Variants in BEND6 observed in about 807,000 individuals in gnomAD.
The protein encoded by BEND6 is BEN domain containing 6, also known as BEN domain-containing protein 6.
Under a neutral mutation model 31.8 loss-of-function variants are expected in BEND6, and 24 were observed. That is an observed-to-expected ratio of 0.75 (90% CI 0.55 to 1.06). BEND6 has a LOEUF of 1.06. Ranked by LOEUF, BEND6 falls within the 50% of genes least tolerant of loss-of-function variation. The pLI is 0.00. For synonymous variants in BEND6, 109 were observed against 114.6 expected, an observed-to-expected ratio of 0.95 and a Z score of 0.31; for missense variants, 294 against 327.4, an observed-to-expected ratio of 0.90 and a Z score of 0.79.
Position 57,018,462 on chromosome 6 carries a change from A to C in BEND6, c.754A>C (p.Ile252Leu). ...QLFPNTDDVS[I>L]RRMIGQKLNN... ...ATTTCCCAATACGGATGATGTTTCA[A>C]TTAGGAGAATGATAGGGCAAAAGCT... is the stretch of plus-strand genomic sequence containing the variant. The change falls in exon 6 of 7, where the codon ATT (isoleucine) becomes CTT (leucine). Residue 252 changes from isoleucine (I) to leucine (L), a missense_variant. Physicochemically the swap from Ile to Leu is conservative, Grantham distance 5. Transcript: ENST00000370746. 1 of 1,588,890 alleles carries C rather than the reference A, an allele frequency of 6.3e-7. No homozygotes were observed. The highest frequency in any genetic ancestry group is 8.5e-7 in the Non-Finnish European group (1 of 1,172,366).
At chr6:56,977,135 T>C (rs575434119) in intron 1 of BEND6, among the ~76,000 whole-genome samples, 71 of 152,360 alleles carry the variant, frequency 4.7e-4, no homozygotes, top group African/African-American at 1.7e-3. Context: ...AGTGAAATTA[T>C]AATAATTGAA....
chr6:56,985,108 G>A lies in BEND6; in HGVS notation c.120+3178G>A, dbSNP rs1165391850. 2.0e-5 allele frequency among the ~76,000 whole-genome samples: 3 copies of A among 152,132 alleles called. No homozygotes were observed. In the East Asian group the frequency reaches 5.8e-4, roughly 29 times the overall value. ...GTGGTCTGCCTTCAAAGGTATTCCA[G>A]GTGACTGTTGTACCAAATATGCCCC... On this transcript the variant is annotated intron_variant, in intron 2 of 6. Transcript: ENST00000370746.
intron 1 of BEND6, among the ~76,000 whole-genome samples, chr6:56,969,608 C>T (rs1375046687): frequency 6.6e-6 from 1 of 152,078 alleles, no homozygotes; most frequent in Non-Finnish European, 1.5e-5. Flanking sequence ...TGTTGTAGTG[C>T]TGTACTTGCC....
At chr6:56,963,355 A>G (rs150630118) in intron 1 of BEND6, among the ~76,000 whole-genome samples, 3 of 152,254 alleles carry the variant, frequency 2.0e-5, no homozygotes, top group East Asian at 3.9e-4. Flanking sequence ...CCTGTGAGGA[A>G]TTTACCTAGG....
chr6:56,982,071 C>T, intron 2 of BEND6, 141 bp downstream of exon 2: 1 of 1,075,790 alleles, frequency 9.3e-7, no homozygotes, highest in Non-Finnish European at 1.3e-6. Flanking sequence ...AAAATATAAT[C>T]TTATGTTCTT....
chr6:56,958,756 GT>G (rs1343815208), intron 1 of BEND6, among the ~76,000 whole-genome samples: 1 of 152,186 alleles, frequency 6.6e-6, no homozygotes, highest in Non-Finnish European at 1.5e-5. Context: ...AGTAGGGAGT[GT>G]TCCAATTTAG....
intron 1 of BEND6, chr6:56,975,800 A>G: frequency 1.9e-6 from 1 of 536,276 alleles, no homozygotes. Flanking sequence ...AAGTCCTTCC[A>G]TAATATATTG....
At chr6:56,992,796 T>C (rs1826557749) in intron 3 of BEND6, among the ~76,000 whole-genome samples, 1 of 152,188 alleles carries the variant, frequency 6.6e-6, no homozygotes, top group African/African-American at 2.4e-5. Context: ...ATTATATTCA[T>C]TTAATAGTTT....
intron 3 of BEND6, 52 bp from the exon 4 acceptor site, chr6:57,015,081 T>G: frequency 1.3e-6 from 2 of 1,481,822 alleles, no homozygotes; most frequent in South Asian, 2.4e-5. Flanking sequence ...TATGTACATA[T>G]GCACCTATTA....
At chr6:56,973,832 A>C (rs1208745475) in intron 1 of BEND6, among the ~76,000 whole-genome samples, 1 of 152,138 alleles carries the variant, frequency 6.6e-6, no homozygotes, top group Non-Finnish European at 1.5e-5. Context: ...AGGGCTCTCC[A>C]CAGCCTCAGC....
Position 56,955,220 on chromosome 6 carries a change from C to T in BEND6, c.-341C>T, listed in dbSNP as rs1824609422. On this transcript the variant is annotated 5_prime_UTR_variant, in exon 1 of 7. Transcript: ENST00000370746. ...AGCCCAGCGCCCTCCCGCGGGGCCGCCCGCCAGTCCGCGCCGTCCGCGGGT... is the reference window on the plus strand; with the variant it reads ...AGCCCAGCGCCCTCCCGCGGGGCCGTCCGCCAGTCCGCGCCGTCCGCGGGT... The T allele has an allele frequency of 1.3e-5, 2 of 151,902 alleles. No homozygotes were observed. The highest frequency in any genetic ancestry group is 4.1e-4 in the South Asian group (2 of 4,840). The allele number at this position is 151,902 out of a possible 1,614,324, so 9.4% of individuals were successfully genotyped here.
chr6:57,013,646 T>G (rs891807089), intron 3 of BEND6, among the ~76,000 whole-genome samples: 4 of 152,094 alleles, frequency 2.6e-5, no homozygotes, highest in Non-Finnish European at 5.9e-5. Flanking sequence ...TCCCAGGAGC[T>G]CATGATGAGT....
chr6:57,008,137 A>G (rs1262336314), intron 3 of BEND6: 2 of 702,624 alleles, frequency 2.8e-6, no homozygotes, highest in Admixed American at 2.0e-5. Context: ...AGGCCTGTCT[A>G]CTGTGGTACC....
At chr6:56,964,577 C>G (rs936865645) in intron 1 of BEND6, among the ~76,000 whole-genome samples, 2 of 151,630 alleles carry the variant, frequency 1.3e-5, no homozygotes, top group South Asian at 2.1e-4. Context: ...TCATAGCTTA[C>G]TATAGCCTCC....
chr6:56,958,912 G>A (rs1323258974), intron 1 of BEND6, among the ~76,000 whole-genome samples: 1 of 152,022 alleles, frequency 6.6e-6, no homozygotes, highest in Non-Finnish European at 1.5e-5. Context: ...AGTTGAGGGG[G>A]GAATGAAGAT....
intron 1 of BEND6, among the ~76,000 whole-genome samples, chr6:56,972,772 G>C (rs1825735351): frequency 6.6e-6 from 1 of 152,158 alleles, no homozygotes; most frequent in Admixed American, 6.6e-5. Flanking sequence ...AGACTGGGTG[G>C]CTTAAACAAC....
At chr6:57,025,962 C>A (rs1430973508) in intron 6 of BEND6, 120 bp from the exon 7 acceptor site, 2 of 152,064 alleles carry the variant, frequency 1.3e-5, no homozygotes, top group East Asian at 3.9e-4. Context: ...AGTCCCTCAA[C>A]AATTTGTATT....
chr6:57,015,082 G>C (rs1241307172), intron 3 of BEND6, 51 bp from the exon 4 acceptor site: 1 of 1,482,092 alleles, frequency 6.7e-7, no homozygotes, highest in Admixed American at 1.7e-5. Context: ...ATGTACATAT[G>C]CACCTATTAT....
chr6:56,972,086 C>CTTTTTTTTTTTTTT (rs35524907), intron 1 of BEND6, among the ~76,000 whole-genome samples: 3 of 62,554 alleles, frequency 4.8e-5, no homozygotes, highest in Non-Finnish European at 8.5e-5. Context: ...ACTTTACTTT[C>CTTTTTTTTTTTTTT]TTTTTTTTTT....
Sources: allele counts gnomAD v4.1 joint callset (sites outside exome capture counted in the v4.1 genomes callset), GRCh38; gene constraint gnomAD v4.1.1; transcripts MANE v1.5; gene names NCBI Gene and HGNC (gene_info 2026-07-23, HGNC 2026-07-21).